The following CLEC16A variants were observed in gnomAD, a reference collection of about 807,000 sequenced individuals.
CLEC16A encodes C-type lectin domain containing 16A.
In CLEC16A, 51 loss-of-function variants were observed where a neutral mutation model predicts 109.5. The ratio of observed to expected loss-of-function variants is 0.47; its 90% CI spans 0.37 to 0.59. The LOEUF (loss-of-function observed/expected upper bound fraction) is 0.59, where lower values mean the gene tolerates loss of function less well. Ranked by LOEUF, CLEC16A falls within the 20% of genes least tolerant of loss-of-function variation. The pLI is 0.00. For missense variants in CLEC16A, 1,339 were observed against 1,394.0 expected (o/e 0.96, Z 0.63); for synonymous variants, 673 against 564.2 (o/e 1.19, Z -2.73).
chr16:11,004,942 T>G (rs771578566), intron 11 of CLEC16A, among the ~76,000 whole-genome samples: 4 of 152,176 alleles, frequency 2.6e-5, no homozygotes, highest in Non-Finnish European at 5.9e-5. Flanking sequence ...ATTTGCTTAT[T>G]GGGGTCATTC....
rs370338139 is a variant in CLEC16A, at chr16:11,126,162, G to A, written c.2641+16G>A. 45 of 1,613,448 alleles carry A rather than the reference G, an allele frequency of 2.8e-5. No individual in the cohort carries two copies. The highest frequency in any genetic ancestry group is 4.4e-5 in the South Asian group (4 of 91,078). ...AAGGTGCCAGGTGAGCCAGCCCCCCGCCCTGCGCCACAGCTCGTTCATCAT... is the reference window on the plus strand; with the variant it reads ...AAGGTGCCAGGTGAGCCAGCCCCCCACCCTGCGCCACAGCTCGTTCATCAT... On this transcript the variant is annotated intron_variant, in intron 22 of 23. Coordinates refer to ENST00000409790, the MANE Select transcript of CLEC16A (RefSeq NM_015226.3).
chr16:11,049,558 AC>A (rs2047825621), intron 17 of CLEC16A, among the ~76,000 whole-genome samples: 1 of 152,194 alleles, frequency 6.6e-6, no homozygotes, highest in Admixed American at 6.5e-5. Context: ...CCAGAGAAAT[AC>A]AAAGGTGCCA....
At position 11,119,064 on chromosome 16, in the gene CLEC16A, C is replaced by T. The variant is rs539333437; in HGVS notation, c.2117-1551C>T. Among the ~76,000 whole-genome samples the T allele has an allele frequency of 7.6e-4, 115 of 152,248 alleles. 1 individual carries two copies. The highest frequency in any genetic ancestry group is 1.5e-3 in the South Asian group (7 of 4,818). ...TCACCCAGGCTGAAGTGCTGTGGTG[C>T]GATCTTGGCTCACTGCAACTTCGCC... is the stretch of plus-strand genomic sequence containing the variant. On this transcript the variant is annotated intron_variant, in intron 19 of 23. Coordinates refer to ENST00000409790, the MANE Select transcript of CLEC16A (RefSeq NM_015226.3).
chr16:11,066,139 G>A (rs779890577), intron 19 of CLEC16A, among the ~76,000 whole-genome samples: 4 of 152,036 alleles, frequency 2.6e-5, no homozygotes, highest in Admixed American at 1.3e-4. Flanking sequence ...TGAGTCTCCC[G>A]GCACTTCAGT....
rs138588399 is a variant in CLEC16A, at chr16:11,165,667, G to A, written c.2642-721G>A. 3.3e-5 allele frequency among the ~76,000 whole-genome samples: 5 copies of A among 152,292 alleles called. No homozygotes were observed. In the East Asian group the frequency reaches 9.6e-4, roughly 29 times the overall value. ...AACACAATAGCTGTTCAAGTGTCTG[G>A]TGCTTCTGTGTGGGAAACAGGGGTG... On this transcript the variant is annotated intron_variant, in intron 22 of 23. Coordinates refer to ENST00000409790, the MANE Select transcript of CLEC16A (RefSeq NM_015226.3).
intron 11 of CLEC16A, among the ~76,000 whole-genome samples, chr16:11,007,056 T>C (rs2045067674): frequency 6.6e-6 from 1 of 152,210 alleles, no homozygotes; most frequent in South Asian, 2.1e-4. Context: ...AGGACAGTTA[T>C]CTCTTTTGGA....
At chr16:11,004,782 A>G (rs1274859408) in intron 11 of CLEC16A, among the ~76,000 whole-genome samples, 1 of 152,120 alleles carries the variant, frequency 6.6e-6, no homozygotes, top group Non-Finnish European at 1.5e-5. Context: ...ACCTCTTTTT[A>G]TGGTTGAGAT....
chr16:11,091,388 G>C (rs1235978489), intron 19 of CLEC16A, among the ~76,000 whole-genome samples: 3 of 152,248 alleles, frequency 2.0e-5, no homozygotes, highest in Admixed American at 6.5e-5. Flanking sequence ...AGTGGCGCCT[G>C]AGAGGCAGCA....
chr16:10,993,714 C>A (rs906228869), intron 10 of CLEC16A, among the ~76,000 whole-genome samples: 1 of 152,100 alleles, frequency 6.6e-6, no homozygotes, highest in African/African-American at 2.4e-5. Flanking sequence ...CAAAGAAATA[C>A]CAAATAAGTG....
intron 18 of CLEC16A, among the ~76,000 whole-genome samples, chr16:11,054,077 G>A (rs1446663226): frequency 1.3e-5 from 2 of 152,254 alleles, no homozygotes; most frequent in Non-Finnish European, 2.9e-5. Flanking sequence ...GATTGCAGCT[G>A]GAGCCCACAG....
At chr16:11,111,570 T>G (rs1298860331) in intron 19 of CLEC16A, among the ~76,000 whole-genome samples, 1 of 152,174 alleles carries the variant, frequency 6.6e-6, no homozygotes, top group Admixed American at 6.5e-5. Flanking sequence ...GAGAAGAACA[T>G]GTAGGTAAGA....
intron 10 of CLEC16A, among the ~76,000 whole-genome samples, chr16:11,002,870 C>T (rs1292800707): frequency 6.6e-6 from 1 of 151,844 alleles, no homozygotes; most frequent in African/African-American, 2.4e-5. Flanking sequence ...TTATCTAGTC[C>T]TCTGTTGGTG....
intron 13 of CLEC16A, among the ~76,000 whole-genome samples, chr16:11,028,379 G>C (rs911203980): frequency 5.9e-5 from 9 of 152,090 alleles, no homozygotes; most frequent in African/African-American, 2.2e-4. Flanking sequence ...TGGTAAATGA[G>C]TCACTCTAGC....
intron 12 of CLEC16A, among the ~76,000 whole-genome samples, chr16:11,023,745 A>G (rs192167607): frequency 6.6e-6 from 1 of 152,298 alleles, no homozygotes; most frequent in Non-Finnish European, 1.5e-5. Context: ...CACTCCCCGT[A>G]GGCATCCAAT....
Position 10,952,830 on chromosome 16 carries a change from A to C in CLEC16A, c.81-4952A>C, listed in dbSNP as rs1004504521. Among the ~76,000 whole-genome samples the C allele has an allele frequency of 2.6e-5, 4 of 152,246 alleles. 1 individual carries two copies. Among genetic ancestry groups the C allele is most frequent in the Non-Finnish European group, 4.4e-5 (3 of 68,040 alleles). ...AATATTTGAAACAATATCATTTACA[A>C]TAGCATAAAAAAATGTCGACTACCT... On this transcript the variant is annotated intron_variant, in intron 1 of 23. Coordinates refer to ENST00000409790, the MANE Select transcript of CLEC16A (RefSeq NM_015226.3).
At chr16:10,983,034 G>C (rs201143149) in intron 10 of CLEC16A, 43 bp downstream of exon 10, 68 of 1,062,578 alleles carry the variant, frequency 6.4e-5, no homozygotes. Context: ...GGAAACCATT[G>C]CTCATTTTGC....
At chr16:10,981,651 T>C (rs1045735715) in intron 9 of CLEC16A, among the ~76,000 whole-genome samples, 1 of 152,218 alleles carries the variant, frequency 6.6e-6, no homozygotes, top group Non-Finnish European at 1.5e-5. Context: ...GCCTTCACTT[T>C]TTAAAAAATA....
At position 10,944,931 on chromosome 16, in the gene CLEC16A, G is replaced by A. The variant is rs534998526; in HGVS notation, c.80+134G>A. On this transcript the variant is annotated intron_variant, in intron 1 of 23. Transcript: ENST00000409790. The stretch of plus-strand genomic sequence containing the variant: ...GGGGAAGCCCGTGTGGTGGTTAAGA[G>A]CGAGGGCTCGGGAGTCAGGGCGCCT... 974 of 840,958 alleles carry A rather than the reference G, an allele frequency of 1.2e-3. 2 individuals are homozygous for A. Among genetic ancestry groups the A allele is most frequent in the Non-Finnish European group, 1.6e-3 (907 of 550,102 alleles). The allele number at this position is 840,958 out of a possible 1,614,324, so 52.1% of individuals were successfully genotyped here.
intron 19 of CLEC16A, among the ~76,000 whole-genome samples, chr16:11,079,019 G>C (rs2049551561): frequency 1.3e-5 from 2 of 152,134 alleles, no homozygotes; most frequent in Non-Finnish European, 2.9e-5. Flanking sequence ...TGAGAGGAAG[G>C]GCCTGCGTAA....
Sources: allele counts gnomAD v4.1 joint callset (sites outside exome capture counted in the v4.1 genomes callset), GRCh38; gene constraint gnomAD v4.1.1; transcripts MANE v1.5; gene names NCBI Gene and HGNC (gene_info 2026-07-23, HGNC 2026-07-21).